The following HSD17B12 variants were observed in gnomAD, a reference collection of about 807,000 sequenced individuals.
HSD17B12 encodes very-long-chain 3-oxoacyl-CoA reductase.
A neutral mutation model predicts 39.3 loss-of-function variants in HSD17B12; 32 were observed. The ratio of observed to expected loss-of-function variants is 0.81; its 90% CI spans 0.61 to 1.09. The LOEUF (loss-of-function observed/expected upper bound fraction) is 1.09. Among genes scored for constraint, HSD17B12 ranks in the 50% least tolerant of loss-of-function variants. The probability of loss-of-function intolerance (pLI) is 0.00; values close to 1 mark genes in which losing one functional copy is unlikely to be tolerated. For synonymous variants in HSD17B12, 150 were observed against 146.7 expected, an observed-to-expected ratio of 1.02 and a Z score of -0.16; for missense variants, 342 against 382.9, an observed-to-expected ratio of 0.89 and a Z score of 0.89.
chr11:43,674,193 A>G, the HSD17B12 span, among the ~76,000 whole-genome samples: 1 of 152,244 alleles, frequency 6.6e-6, no homozygotes, highest in African/African-American at 2.4e-5. Context: ...TTTGGTTAGT[A>G]TGGCTCTACT....
At chr11:43,672,551 T>G in the HSD17B12 span, among the ~76,000 whole-genome samples, 1 of 152,158 alleles carries the variant, frequency 6.6e-6, no homozygotes, top group African/African-American at 2.4e-5. Flanking sequence ...TAGGTGTTTT[T>G]GTTTGTTTGT....
chr11:43,736,877 T>C (rs1238374174), intron 1 of HSD17B12, among the ~76,000 whole-genome samples: 1 of 152,198 alleles, frequency 6.6e-6, no homozygotes, highest in Non-Finnish European at 1.5e-5. Context: ...GCCCCTACAC[T>C]GTTTGCCTGA....
the HSD17B12 span, among the ~76,000 whole-genome samples, chr11:43,561,306 G>A: frequency 6.6e-6 from 1 of 152,236 alleles, no homozygotes; most frequent in Non-Finnish European, 1.5e-5. Context: ...CCTGGCCCAG[G>A]ATGACAAGTT....
intron 1 of HSD17B12, among the ~76,000 whole-genome samples, chr11:43,712,054 A>G (rs550019287): frequency 3.9e-4 from 59 of 152,108 alleles, no homozygotes; most frequent in Non-Finnish European, 7.9e-4. Context: ...TAACATCAAC[A>G]CAGACCTTAA....
chr11:43,717,143 A>C (rs1036287886), intron 1 of HSD17B12, among the ~76,000 whole-genome samples: 3 of 152,162 alleles, frequency 2.0e-5, no homozygotes, highest in Admixed American at 2.0e-4. Flanking sequence ...TACAATATTG[A>C]TGTGCTAATA....
At chr11:43,792,824 T>C (rs1387385028) in intron 3 of HSD17B12, among the ~76,000 whole-genome samples, 1 of 151,462 alleles carries the variant, frequency 6.6e-6, no homozygotes, top group East Asian at 2.0e-4. Context: ...CACCCCACTC[T>C]AGCTTATATT....
chr11:43,846,136 C>T (rs1951472999), intron 9 of HSD17B12, among the ~76,000 whole-genome samples: 1 of 152,200 alleles, frequency 6.6e-6, no homozygotes, highest in Non-Finnish European at 1.5e-5. Context: ...ATCATCTGAC[C>T]TACAGAAAGT....
chr11:43,854,819 C>G lies in HSD17B12; in HGVS notation c.789C>G (p.Val263=), dbSNP rs755298940. The change falls in exon 10 of 11, where the codon GTC becomes GTG. Residue 263 remains valine, a synonymous_variant. Transcript: ENST00000278353. ...ETFVKSAIKT[V]GLQSRTNGYL... ...TTGTGAAGTCTGCAATTAAAACAGT[C>G]GGCCTGCAATCCCGAACCAATGGAT... 7 of 1,614,036 alleles carry G rather than the reference C, an allele frequency of 4.3e-6. No homozygotes were observed. The highest frequency in any genetic ancestry group is 5.9e-6 in the Non-Finnish European group (7 of 1,180,014).
intron 9 of HSD17B12, among the ~76,000 whole-genome samples, chr11:43,841,246 T>C (rs1951423037): frequency 6.6e-6 from 1 of 152,204 alleles, no homozygotes; most frequent in South Asian, 2.1e-4. Context: ...TTTCTTGTCA[T>C]TGGGTTGTAG....
At chr11:43,731,987 A>G in intron 1 of HSD17B12, among the ~76,000 whole-genome samples, 1 of 152,090 alleles carries the variant, frequency 6.6e-6, no homozygotes, top group East Asian at 1.9e-4. Flanking sequence ...ACCACTCTAT[A>G]TGGTTTGGCT....
the HSD17B12 span, among the ~76,000 whole-genome samples, chr11:43,613,674 T>TC: frequency 1.3e-5 from 2 of 151,984 alleles, no homozygotes; most frequent in East Asian, 3.9e-4. Context: ...TCCATGAATT[T>TC]TTTTTTTTTT....
intron 1 of HSD17B12, among the ~76,000 whole-genome samples, chr11:43,690,731 C>A (rs1949855213): frequency 6.6e-6 from 1 of 151,878 alleles, no homozygotes; most frequent in Admixed American, 6.6e-5. Flanking sequence ...AACTAGATTA[C>A]CTACTTTTGA....
rs1334802345 is a variant in HSD17B12 at position 43,690,391 on chromosome 11, TATATA to T, written c.160+9405_160+9409del. Among the ~76,000 whole-genome samples the T allele has an allele frequency of 8.0e-4, 20 of 24,856 alleles. 2 individuals carry two copies. Among genetic ancestry groups the T allele is most frequent in the East Asian group, 6.1e-3 (3 of 488 alleles). 16.3% of individuals were successfully genotyped at this position (24,856 alleles called of 152,430 possible). A position where few individuals can be genotyped will look rare whatever the true frequency, so the allele number is the denominator to read the frequency against. On this transcript the variant is annotated intron_variant, in intron 1 of 10. Transcript: ENST00000278353. ...ATATATATATATATATATATATATA[TATATA>T]TATATATATTTTTTTTTTTTTTTTT...
chr11:43,592,918 G>C, the HSD17B12 span, among the ~76,000 whole-genome samples: 1 of 152,152 alleles, frequency 6.6e-6, no homozygotes, highest in Non-Finnish European at 1.5e-5. Context: ...GAGAGAGGCT[G>C]TGTTCTCAAA....
At chr11:43,802,801 A>G (rs1655814769) in intron 4 of HSD17B12, among the ~76,000 whole-genome samples, 1 of 152,232 alleles carries the variant, frequency 6.6e-6, no homozygotes, top group Non-Finnish European at 1.5e-5. Flanking sequence ...AAATGTCAGT[A>G]GTGCTGAGGT....
At chr11:43,671,086 A>G in the HSD17B12 span, among the ~76,000 whole-genome samples, 7 of 152,334 alleles carry the variant, frequency 4.6e-5, no homozygotes, top group African/African-American at 1.2e-4. Context: ...GTTTGCTTGC[A>G]TAACTGTCCT....
At chr11:43,606,576 G>A in the HSD17B12 span, among the ~76,000 whole-genome samples, 1 of 152,212 alleles carries the variant, frequency 6.6e-6, no homozygotes, top group African/African-American at 2.4e-5. Context: ...AATACAAAGA[G>A]CTTGACACTT....
chr11:43,830,934 G>T, intron 6 of HSD17B12, 42 bp from the exon 7 acceptor site: 1 of 1,552,336 alleles, frequency 6.4e-7, no homozygotes, highest in Non-Finnish European at 8.8e-7. Context: ...TCTGTTGCCT[G>T]CATCCTTGGC....
chr11:43,612,406 A>G, the HSD17B12 span, among the ~76,000 whole-genome samples: 2 of 152,220 alleles, frequency 1.3e-5, no homozygotes, highest in African/African-American at 2.4e-5. Flanking sequence ...TCTGTGGGAA[A>G]GTCTGGGTTT....
Sources: allele counts gnomAD v4.1 joint callset (sites outside exome capture counted in the v4.1 genomes callset), GRCh38; gene constraint gnomAD v4.1.1; transcripts MANE v1.5; gene names NCBI Gene and HGNC (gene_info 2026-07-23, HGNC 2026-07-21).